TLN2: variants seen among roughly 807,000 people sequenced by gnomAD.
TLN2 encodes talin 2, also known as talin-2.
A neutral mutation model predicts 294.7 loss-of-function variants in TLN2; 118 were observed. The observed-to-expected ratio is 0.40, with a 90% CI of 0.34 to 0.47. The LOEUF (loss-of-function observed/expected upper bound fraction) is 0.47, where lower values mean the gene tolerates loss of function less well. TLN2 is among the 20% of genes least tolerant of loss of function. TLN2 has a pLI of 0.84. For missense variants in TLN2, 3,083 were observed against 3,282.2 expected, an observed-to-expected ratio of 0.94 and a Z score of 1.48; for synonymous variants, 1,431 against 1,304.5, an observed-to-expected ratio of 1.10 and a Z score of -2.09.
intron 31 of TLN2, among the ~76,000 whole-genome samples, chr15:62,740,006 GCTTGA>G (rs1199437061): frequency 1.3e-5 from 2 of 151,508 alleles, no homozygotes; most frequent in Middle Eastern, 3.2e-3. Context: ...GAACAAGGGA[GCTTGA>G]CTGATCTGGT....
In TLN2 at chr15:62,417,991, A is replaced by G. The variant is rs75719117; in HGVS notation, c.-238+27306A>G. ...ACCTGGTATTTAATGTAGAGAGGAC[A>G]CATGTTGCTTTTCCCCCGCTTATCC... On this transcript the variant is annotated intron_variant, in intron 1 of 58. Transcript: ENST00000636159. Among the ~76,000 whole-genome samples the G allele has an allele frequency of 7.6e-4, 116 of 152,320 alleles. 1 individual carries two copies. Among genetic ancestry groups the G allele is most frequent in the African/African-American group, 2.7e-3 (111 of 41,560 alleles).
intron 9 of TLN2, among the ~76,000 whole-genome samples, chr15:62,663,759 T>C (rs935703018): frequency 3.9e-5 from 6 of 152,002 alleles, no homozygotes; most frequent in Non-Finnish European, 7.4e-5. Context: ...TAAAAGTTTA[T>C]TGAGGAGCAT....
At chr15:62,720,610 T>C (rs572070811) in intron 25 of TLN2, among the ~76,000 whole-genome samples, 2 of 151,978 alleles carry the variant, frequency 1.3e-5, no homozygotes, top group Non-Finnish European at 2.9e-5. Context: ...AGGTTTGATA[T>C]ATCTCCTCAT....
intron 55 of TLN2, chr15:62,834,724 C>CA (rs2069285944): frequency 6.6e-6 from 1 of 152,166 alleles, no homozygotes. Flanking sequence ...GTCCTGTACT[C>CA]AGCAAGTTCT....
intron 9 of TLN2, among the ~76,000 whole-genome samples, chr15:62,665,086 T>A (rs1004521133): frequency 6.6e-6 from 1 of 152,128 alleles, no homozygotes; most frequent in African/African-American, 2.4e-5. Flanking sequence ...GTTGTTGTTG[T>A]TGTTGAGACA....
intron 35 of TLN2, 72 bp downstream of exon 35, chr15:62,752,499 C>A: frequency 6.4e-7 from 1 of 1,566,460 alleles, no homozygotes; most frequent in South Asian, 1.2e-5. Flanking sequence ...GGAACTCCAG[C>A]TGCACCTCTT....
intron 5 of TLN2, 66 bp from the exon 6 acceptor site, chr15:62,651,939 A>T (rs1172329425): frequency 4.1e-6 from 6 of 1,458,886 alleles, no homozygotes; most frequent in Non-Finnish European, 5.5e-6. Flanking sequence ...TTTTAAAGAA[A>T]AGTGTTCAAG....
intron 1 of TLN2, among the ~76,000 whole-genome samples, chr15:62,551,875 AC>A (rs2042334629): frequency 6.6e-6 from 1 of 152,250 alleles, no homozygotes; most frequent in Non-Finnish European, 1.5e-5. Flanking sequence ...ACAAGGGGCC[AC>A]CTAGCAATAA....
In TLN2 at chr15:62,755,686, C is replaced by T. The variant is rs1296779664; in HGVS notation, c.4631C>T (p.Thr1544Ile). The part of the protein sequence containing the change: ...VANSTANLVK[T>I]IKALDGDFSE... ...AACAGCACTGCCAACCTGGTGAAGA[C>T]CATCAAGGTAGGTCGCTGGACTACC... Residue 1544 changes from threonine (T) to isoleucine (I), a missense_variant, in exon 37 of 59, where the codon ACC (threonine) becomes ATC (isoleucine). Physicochemically the swap from Thr to Ile is moderately conservative, Grantham distance 89 (BLOSUM62 -1). Transcript: ENST00000636159. 6.2e-7 allele frequency: 1 copy of T among 1,614,216 alleles called. No individual in the cohort carries two copies. Among genetic ancestry groups the T allele is most frequent in the East Asian group, 2.2e-5 (1 of 44,888 alleles).
chr15:62,492,455 G>T (rs561696324), intron 1 of TLN2, among the ~76,000 whole-genome samples: 75 of 151,962 alleles, frequency 4.9e-4, no homozygotes, highest in Admixed American at 1.2e-3. Flanking sequence ...GCTACTCCAA[G>T]GCTGAGGTGA....
At chr15:62,535,664 T>C (rs572017612) in intron 1 of TLN2, among the ~76,000 whole-genome samples, 4 of 151,820 alleles carry the variant, frequency 2.6e-5, no homozygotes, top group Admixed American at 2.0e-4. Flanking sequence ...CAAGCAATTC[T>C]CCTGCCTCAG....
At chr15:62,481,656 C>T (rs2038096663) in intron 1 of TLN2, among the ~76,000 whole-genome samples, 2 of 152,104 alleles carry the variant, frequency 1.3e-5, no homozygotes, top group African/African-American at 4.8e-5. Flanking sequence ...CCTCTACACC[C>T]AGCCAAGAAA....
intron 3 of TLN2, among the ~76,000 whole-genome samples, chr15:62,633,693 A>G (rs955048717): frequency 3.3e-5 from 5 of 152,264 alleles, no homozygotes; most frequent in Non-Finnish European, 5.9e-5. Flanking sequence ...CAAAAGAACT[A>G]TATTTAGGCT....
At chr15:62,741,284 C>G (rs758792592) in intron 32 of TLN2, among the ~76,000 whole-genome samples, 1 of 152,132 alleles carries the variant, frequency 6.6e-6, no homozygotes, top group African/African-American at 2.4e-5. Context: ...AGTAGGGAGG[C>G]AGTGGGAATA....
At chr15:62,705,394 A>G (rs530674354) in intron 19 of TLN2, among the ~76,000 whole-genome samples, 9 of 152,354 alleles carry the variant, frequency 5.9e-5, no homozygotes, top group Admixed American at 5.9e-4. Context: ...TAGTTAACAA[A>G]GATTTATTTT....
chr15:62,637,191 C>T (rs917899510), intron 3 of TLN2: 13 of 152,184 alleles, frequency 8.5e-5, no homozygotes, highest in African/African-American at 2.9e-4. Context: ...TCTTGACCTT[C>T]ACTTTTATTT....
intron 57 of TLN2, among the ~76,000 whole-genome samples, chr15:62,836,628 G>A (rs184622563): frequency 1.8e-4 from 27 of 151,962 alleles, no homozygotes; most frequent in African/African-American, 5.6e-4. Flanking sequence ...CTGTTTCCCA[G>A]AGCCCAGAGA....
chr15:62,454,030 GCCT>G (rs2036316511), intron 1 of TLN2, among the ~76,000 whole-genome samples: 1 of 152,186 alleles, frequency 6.6e-6, no homozygotes, highest in Non-Finnish European at 1.5e-5. Flanking sequence ...GTGAGTGGCT[GCCT>G]GCTGCAAGGG....
In TLN2 at chr15:62,491,351, TACACACACACACACAC is replaced by T. The variant is rs1166046640; in HGVS notation, c.-237-98306_-237-98291del. Reference sequence around the variant, plus strand: ...CAAAAAAAAAAAATATATATATATATACACACACACACACACACACACACACACACACACACACACA... The same window carrying T: ...CAAAAAAAAAAAATATATATATATATACACACACACACACACACACACACA... On this transcript the variant is annotated intron_variant, in intron 1 of 58. Transcript: ENST00000636159. Among the ~76,000 whole-genome samples, 481 of 100,302 alleles carry T rather than the reference TACACACACACACACAC, an allele frequency of 4.8e-3. 2 individuals carry two copies. The highest frequency in any genetic ancestry group is 0.025 in the South Asian group (64 of 2,570). 65.8% of individuals were successfully genotyped at this position (100,302 alleles called of 152,430 possible). A position where few individuals can be genotyped will look rare whatever the true frequency, so the allele number is the denominator to read the frequency against.
Sources: gnomAD v4.1 joint callset for allele counts (sites outside exome capture counted in the v4.1 genomes callset) on GRCh38, gnomAD v4.1.1 for gene constraint, MANE v1.5 for transcripts, NCBI Gene and HGNC (gene_info 2026-07-23, HGNC 2026-07-21) for gene names.